The following DNM1L variants were observed in gnomAD, a reference collection of about 807,000 sequenced individuals.
DNM1L encodes the protein dynamin 1L, also known as dynamin-1-like protein.
A neutral mutation model predicts 92.8 loss-of-function variants in DNM1L; 33 were observed. The ratio of observed to expected loss-of-function variants is 0.36; its 90% CI spans 0.27 to 0.48. DNM1L has a LOEUF of 0.48. Among genes scored for constraint, DNM1L ranks in the 20% least tolerant of loss-of-function variants. DNM1L has a pLI of 0.99. For synonymous variants in DNM1L, 284 were observed against 305.0 expected (o/e 0.93, Z 0.72); for missense variants, 485 against 888.8 (o/e 0.55, Z 5.78).
At chr12:32,727,522 G>T in intron 9 of DNM1L, 753 of 444,798 alleles carry the variant, frequency 1.7e-3, no homozygotes, top group Middle Eastern at 5.1e-3. Context: ...CCCTATCTCT[G>T]AAAATGGAAA....
intron 6 of DNM1L, among the ~76,000 whole-genome samples, chr12:32,715,815 C>G (rs959916137): frequency 2.0e-5 from 3 of 152,146 alleles, no homozygotes; most frequent in African/African-American, 7.2e-5. Context: ...TCACACGTTG[C>G]TGGTGGGAGT....
Position 32,737,122 on chromosome 12 carries a change from G to A in DNM1L, c.1557G>A (p.Arg519=), listed in dbSNP as rs1461486156. 1 of 1,613,660 alleles carries A rather than the reference G, an allele frequency of 6.2e-7. No individual in the cohort carries two copies. The highest frequency in any genetic ancestry group is 1.7e-5 in the Admixed American group (1 of 60,004). Reference sequence around the variant, plus strand: ...TTTCTTAGGAACAAAGGAGAAACAGGCTAGCCAGAGAATTACCTTCAGCTG... The same window carrying A: ...TTTCTTAGGAACAAAGGAGAAACAGACTAGCCAGAGAATTACCTTCAGCTG... ...NNNIEEQRRN[R]LARELPSAVS... The change falls in exon 14 of 20, where the codon AGG becomes AGA. Residue 519 remains arginine (R), a synonymous_variant. Coordinates refer to ENST00000549701, the MANE Select transcript of DNM1L (RefSeq NM_012062.5).
At chr12:32,739,184 AATG>A (rs1395434680) in intron 16 of DNM1L, among the ~76,000 whole-genome samples, 3 of 152,160 alleles carry the variant, frequency 2.0e-5, no homozygotes, top group Non-Finnish European at 2.9e-5. Context: ...TTTGATTCAG[AATG>A]ATACCTCAAA....
chr12:32,679,759 G>A (rs1241178274), intron 1 of DNM1L: 39 of 1,092,824 alleles, frequency 3.6e-5, no homozygotes, highest in East Asian at 6.1e-5. Context: ...TGGGGCCGGC[G>A]GGCGGAACTG....
rs1953429929 is a variant in DNM1L at position 32,717,165 on chromosome 12, AC to A, written c.620-1477del. Among the ~76,000 whole-genome samples, 4 of 123,058 alleles carry A rather than the reference AC, an allele frequency of 3.3e-5. No individual in the cohort carries two copies. The East Asian group carries it at 8.7e-4, about 27-fold the overall frequency. 80.7% of individuals were successfully genotyped at this position (123,058 alleles called of 152,430 possible). ...ATATATTTGTAACTGAAATATATAT[AC>A]TATAAAATATATATAGTATATACTA... On this transcript the variant is annotated intron_variant, in intron 6 of 19. Transcript: ENST00000549701.
chr12:32,687,245 T>C (rs1952052929), intron 1 of DNM1L, among the ~76,000 whole-genome samples: 1 of 152,180 alleles, frequency 6.6e-6, no homozygotes, highest in Non-Finnish European at 1.5e-5. Context: ...TAATGTTTTT[T>C]CCCCTAATTA....
chr12:32,733,489 C>G (rs1954695129), intron 12 of DNM1L: 1 of 506,312 alleles, frequency 2.0e-6, no homozygotes, highest in South Asian at 2.5e-5. Context: ...ATTTTTCCCT[C>G]TTAGAAATGC....
At chr12:32,693,919 A>G (rs575824849) in intron 1 of DNM1L, among the ~76,000 whole-genome samples, 15 of 152,066 alleles carry the variant, frequency 9.9e-5, no homozygotes, top group African/African-American at 3.4e-4. Context: ...GGTTACAGGC[A>G]TGTGCCACCT....
intron 16 of DNM1L, among the ~76,000 whole-genome samples, chr12:32,739,054 TAACA>T (rs935808981): frequency 5.9e-5 from 9 of 152,202 alleles, no homozygotes; most frequent in African/African-American, 1.9e-4. Flanking sequence ...CATGTATAGT[TAACA>T]AACATTTAAA....
At chr12:32,710,159 G>C (rs1213971550) in intron 4 of DNM1L, among the ~76,000 whole-genome samples, 1 of 152,148 alleles carries the variant, frequency 6.6e-6, no homozygotes, top group Non-Finnish European at 1.5e-5. Context: ...TTAGTCTGCA[G>C]GAGAGAAAAT....
chr12:32,744,807 G>T lies in DNM1L; in HGVS notation c.*1397G>T. On this transcript the variant is annotated 3_prime_UTR_variant, in exon 20 of 20. Coordinates refer to ENST00000549701, the MANE Select transcript of DNM1L (RefSeq NM_012062.5). ...ATTTATGGGGTAGTGATGAGGTTTA[G>T]AACATATACATATTTTGTTAAAATT... The T allele has an allele frequency of 2.1e-6, 1 of 465,926 alleles. No homozygotes were observed. The highest frequency in any genetic ancestry group is 6.3e-5 in the East Asian group (1 of 15,874). 28.9% of individuals were successfully genotyped at this position (465,926 alleles called of 1,614,324 possible).
chr12:32,723,662 C>G (rs1188420023), intron 9 of DNM1L, among the ~76,000 whole-genome samples: 1 of 147,910 alleles, frequency 6.8e-6, no homozygotes, highest in Non-Finnish European at 1.5e-5. Context: ...CCACTGCACT[C>G]CAGCCTGGGC....
In DNM1L at chr12:32,679,372, G is replaced by T. The variant is rs747457741; in HGVS notation, c.9G>T (p.Ala3=). 1 of 1,613,092 alleles carries T rather than the reference G, an allele frequency of 6.2e-7. No homozygotes were observed. ME[A]LIPVINKLQD... is the part of the protein sequence containing the mutation. ...CCCGTGTTTTCAGAGTCATGGAGGC[G>T]CTAATTCCTGTCATAAACAAGCTCC... The change falls in exon 1 of 20, where the codon GCG becomes GCT. Residue 3 remains alanine (A), a synonymous_variant. Transcript: ENST00000549701.
chr12:32,687,739 C>T (rs908303802), intron 1 of DNM1L, among the ~76,000 whole-genome samples: 1 of 151,824 alleles, frequency 6.6e-6, no homozygotes, highest in Admixed American at 6.6e-5. Flanking sequence ...CATGAGCCAC[C>T]ATGCCTGGCC....
intron 13 of DNM1L, among the ~76,000 whole-genome samples, chr12:32,736,727 A>C (rs117250042): frequency 6.6e-6 from 1 of 152,312 alleles, no homozygotes; most frequent in East Asian, 1.9e-4. Context: ...CTGGACTTCA[A>C]ATTCCACATG....
intron 9 of DNM1L, chr12:32,726,829 A>C (rs932567172): frequency 6.4e-6 from 4 of 627,696 alleles, no homozygotes; most frequent in African/African-American, 5.5e-5. Context: ...AAGTGATCAG[A>C]ATCATCTGGT....
At chr12:32,703,054 TCTC>T (rs200489006) in intron 2 of DNM1L, among the ~76,000 whole-genome samples, 1 of 145,590 alleles carries the variant, frequency 6.9e-6, no homozygotes, top group African/African-American at 2.6e-5. Context: ...TTTCTCTCTC[TCTC>T]TTTTTTTTTT....
intron 6 of DNM1L, among the ~76,000 whole-genome samples, chr12:32,717,199 T>A (rs11052201): frequency 1.7e-5 from 2 of 116,636 alleles, no homozygotes; most frequent in Non-Finnish European, 3.3e-5. Flanking sequence ...CTATATATAT[T>A]TATATATACT....
intron 9 of DNM1L, chr12:32,722,886 GTATT>G (rs897537152): frequency 5.2e-4 from 84 of 162,636 alleles, no homozygotes; most frequent in African/African-American, 1.8e-3. Context: ...ATTTTTATAA[GTATT>G]TAATAAGTAT....
Sources: allele counts gnomAD v4.1 joint callset (sites outside exome capture counted in the v4.1 genomes callset), GRCh38; gene constraint gnomAD v4.1.1; transcripts MANE v1.5; gene names NCBI Gene and HGNC (gene_info 2026-07-23, HGNC 2026-07-21).